Variants in CTNNA2 observed in about 807,000 individuals in gnomAD.
CTNNA2 encodes the protein catenin alpha-2.
Under a neutral mutation model 101.0 loss-of-function variants are expected in CTNNA2, and 42 were observed. The observed-to-expected ratio is 0.42, with a 90% CI of 0.32 to 0.54. The LOEUF (loss-of-function observed/expected upper bound fraction) is 0.54, where lower values mean the gene tolerates loss of function less well. Ranked by LOEUF, CTNNA2 falls within the 20% of genes least tolerant of loss-of-function variation. The probability of loss-of-function intolerance (pLI) is 0.14; values close to 1 mark genes in which losing one functional copy is unlikely to be tolerated. For missense variants in CTNNA2, 871 were observed against 1,223.1 expected, an observed-to-expected ratio of 0.71 and a Z score of 4.29; for synonymous variants, 450 against 456.4, an observed-to-expected ratio of 0.99 and a Z score of 0.18.
intron 9 of CTNNA2, among the ~76,000 whole-genome samples, chr2:80,522,059 A>C (rs1689605356): frequency 6.6e-6 from 1 of 152,124 alleles, no homozygotes; most frequent in South Asian, 2.1e-4. Context: ...ATCTGTCCAT[A>C]TTTCTTTCTA....
At chr2:79,726,324 A>G (rs1447914619) in intron 2 of CTNNA2, among the ~76,000 whole-genome samples, 1 of 152,222 alleles carries the variant, frequency 6.6e-6, no homozygotes, top group Non-Finnish European at 1.5e-5. Flanking sequence ...GGTTTAATGC[A>G]GAAGTCCCCA....
At chr2:80,265,056 C>T (rs1367283880) in intron 7 of CTNNA2, among the ~76,000 whole-genome samples, 1 of 151,220 alleles carries the variant, frequency 6.6e-6, no homozygotes, top group Non-Finnish European at 1.5e-5. Context: ...CTCACTGCAA[C>T]CTCCGCCTCC....
At chr2:79,895,746 G>A (rs1442685323) in intron 6 of CTNNA2, among the ~76,000 whole-genome samples, 1 of 146,816 alleles carries the variant, frequency 6.8e-6, no homozygotes, top group Non-Finnish European at 1.5e-5. Context: ...GGTATCGTAA[G>A]GGAGAGGATT....
intron 3 of CTNNA2, among the ~76,000 whole-genome samples, chr2:79,855,521 C>T (rs1327173838): frequency 1.3e-5 from 2 of 152,152 alleles, no homozygotes; most frequent in East Asian, 1.9e-4. Flanking sequence ...TGGTTCATTC[C>T]GAATGTTCAA....
At chr2:79,894,083 T>C (rs867270214) in intron 6 of CTNNA2, among the ~76,000 whole-genome samples, 266 of 139,652 alleles carry the variant, frequency 1.9e-3, no homozygotes, top group Middle Eastern at 3.4e-3. Flanking sequence ...TCCTCCTCCT[T>C]CTTCTTCTTC....
chr2:80,435,814 C>T (rs1681976536), intron 9 of CTNNA2, among the ~76,000 whole-genome samples: 1 of 152,150 alleles, frequency 6.6e-6, no homozygotes, highest in African/African-American at 2.4e-5. Context: ...GATCAATCTA[C>T]CTTTAGTTTT....
At chr2:79,225,789 T>C (rs1674401068) in intron 2 of CTNNA2, among the ~76,000 whole-genome samples, 1 of 152,174 alleles carries the variant, frequency 6.6e-6, no homozygotes, top group Admixed American at 6.5e-5. Context: ...AAACAAGCAA[T>C]GAAAATGCTC....
At chr2:79,672,600 T>C (rs1483019318) in intron 2 of CTNNA2, among the ~76,000 whole-genome samples, 1 of 152,146 alleles carries the variant, frequency 6.6e-6, no homozygotes, top group Non-Finnish European at 1.5e-5. Context: ...AGTTAATGTA[T>C]GTTTTTTAAA....
chr2:79,970,535 G>C (rs554755397), intron 7 of CTNNA2, among the ~76,000 whole-genome samples: 1 of 152,170 alleles, frequency 6.6e-6, no homozygotes, highest in Non-Finnish European at 1.5e-5. Context: ...CCACCTACGG[G>C]GCTGCATGTT....
chr2:79,376,835 A>G (rs1179280308), intron 4 of CTNNA2, among the ~76,000 whole-genome samples: 2 of 152,120 alleles, frequency 1.3e-5, no homozygotes. Context: ...TTATGGCTGC[A>G]TAGTATTCCA....
chr2:79,198,182 A>C (rs1384251121), intron 2 of CTNNA2: 1 of 152,230 alleles, frequency 6.6e-6, no homozygotes, highest in Non-Finnish European at 1.5e-5. Context: ...AAAAATGTTC[A>C]TACAAATCTT....
chr2:80,366,790 G>A (rs551515718), intron 7 of CTNNA2, among the ~76,000 whole-genome samples: 25 of 152,220 alleles, frequency 1.6e-4, no homozygotes, highest in African/African-American at 2.9e-4. Context: ...CCAAGGTTGC[G>A]GATGCACAGC....
chr2:79,540,177 G>T (rs895917207), intron 1 of CTNNA2, among the ~76,000 whole-genome samples: 2 of 152,206 alleles, frequency 1.3e-5, no homozygotes, highest in African/African-American at 4.8e-5. Context: ...AGGATCCAAA[G>T]GGGGCAGTTT....
At chr2:80,159,045 G>C (rs1704150455) in intron 7 of CTNNA2, among the ~76,000 whole-genome samples, 1 of 152,182 alleles carries the variant, frequency 6.6e-6, no homozygotes, top group Non-Finnish European at 1.5e-5. Flanking sequence ...CCCATTGAAG[G>C]ACATGTGGGT....
chr2:80,383,112 G>A (rs1189239490), intron 7 of CTNNA2, among the ~76,000 whole-genome samples: 1 of 152,128 alleles, frequency 6.6e-6, no homozygotes, highest in Non-Finnish European at 1.5e-5. Context: ...CAGGGGGTTG[G>A]CACTATGAAA....
chr2:80,185,637 T>C (rs1706074439), intron 7 of CTNNA2, among the ~76,000 whole-genome samples: 2 of 152,224 alleles, frequency 1.3e-5, no homozygotes, highest in Non-Finnish European at 2.9e-5. Flanking sequence ...AAAGGGTCTA[T>C]GGAATGGAGT....
At chr2:80,607,551 C>G (rs1698133799) in intron 16 of CTNNA2, among the ~76,000 whole-genome samples, 1 of 151,908 alleles carries the variant, frequency 6.6e-6, no homozygotes. Context: ...GAACTTCTTT[C>G]AGCTGGCTTC....
At chr2:80,431,737 G>A (rs1681537767) in intron 9 of CTNNA2, among the ~76,000 whole-genome samples, 1 of 152,118 alleles carries the variant, frequency 6.6e-6, no homozygotes, top group African/African-American at 2.4e-5. Context: ...TGAAACACAG[G>A]TTTGAATAAC....
intron 7 of CTNNA2, among the ~76,000 whole-genome samples, chr2:80,379,913 A>AT (rs1464293872): frequency 2.7e-5 from 4 of 150,442 alleles, no homozygotes; most frequent in Middle Eastern, 6.6e-3. Flanking sequence ...TTATTTTCTC[A>AT]TTTTTTAGCC....
Sources: gnomAD v4.1 joint callset for allele counts (sites outside exome capture counted in the v4.1 genomes callset) on GRCh38, gnomAD v4.1.1 for gene constraint, MANE v1.5 for transcripts, NCBI Gene and HGNC (gene_info 2026-07-23, HGNC 2026-07-21) for gene names.